ZZEF1: variants seen among roughly 807,000 people sequenced by gnomAD.
ZZEF1 encodes the protein zinc finger ZZ-type and EF-hand domain containing 1.
Under a neutral mutation model 342.8 loss-of-function variants are expected in ZZEF1, and 157 were observed. That is an observed-to-expected ratio of 0.46 (90% CI 0.40 to 0.52). The LOEUF (loss-of-function observed/expected upper bound fraction) is 0.52. Ranked by LOEUF, ZZEF1 falls within the 20% of genes least tolerant of loss-of-function variation. The pLI is 0.00. For missense variants in ZZEF1, 3,480 were observed against 3,725.6 expected (o/e 0.93, Z 1.72); for synonymous variants, 1,505 against 1,429.1 (o/e 1.05, Z -1.20).
intron 43 of ZZEF1, among the ~76,000 whole-genome samples, chr17:4,023,292 C>T (rs2056317977): frequency 6.6e-6 from 1 of 152,138 alleles, no homozygotes; most frequent in African/African-American, 2.4e-5. Context: ...TTCTCGCAGG[C>T]CCCCTGTTGT....
At chr17:4,015,963 G>A (rs1177857639) in intron 49 of ZZEF1, among the ~76,000 whole-genome samples, 2 of 152,226 alleles carry the variant, frequency 1.3e-5, no homozygotes, top group African/African-American at 4.8e-5. Flanking sequence ...TGAGGTGGCA[G>A]CTGAAGAGTG....
chr17:4,016,749 G>A lies in ZZEF1; in HGVS notation c.8002-283C>T, dbSNP rs527889172. ...ATAAAGGGTCCTGGTCCTTGAAGGA[G>A]TCCCCAGCCAAGCAGGTGGATTGGC... On this transcript the variant is annotated intron_variant, in intron 48 of 54. Transcript: ENST00000381638. The surrounding 1 kb of genome is among the most constrained non-coding windows in gnomAD (Gnocchi z 4.4). 3.0e-6 allele frequency: 1 copy of A among 338,572 alleles called. No individual in the cohort carries two copies. Among genetic ancestry groups the A allele is most frequent in the South Asian group, 7.0e-5 (1 of 14,290 alleles). 21.0% of individuals were successfully genotyped at this position (338,572 alleles called of 1,614,324 possible).
chr17:4,096,033 G>C, intron 10 of ZZEF1, 54 bp from the exon 11 acceptor site: 1 of 1,532,618 alleles, frequency 6.5e-7, no homozygotes, highest in South Asian at 1.3e-5. Context: ...TTCTGTGGCC[G>C]TTTTGTTTCC....
At chr17:4,119,719 A>G (rs1318553935) in intron 2 of ZZEF1, among the ~76,000 whole-genome samples, 7 of 152,200 alleles carry the variant, frequency 4.6e-5, no homozygotes, top group Non-Finnish European at 1.0e-4. Context: ...ATGTGAGGCT[A>G]AGTAAGCATT....
chr17:4,042,020 T>G (rs2056814128), intron 39 of ZZEF1, among the ~76,000 whole-genome samples: 1 of 152,160 alleles, frequency 6.6e-6, no homozygotes, highest in South Asian at 2.1e-4. Context: ...GAGAATGTAC[T>G]TTAAGGAGAG....
chr17:4,134,348 A>T (rs923661706), intron 1 of ZZEF1, among the ~76,000 whole-genome samples: 11 of 140,176 alleles, frequency 7.8e-5, no homozygotes, highest in African/African-American at 3.0e-4. Flanking sequence ...ATATTTATAT[A>T]TATTTATATA....
At chr17:4,124,767 C>T (rs1272275565) in intron 1 of ZZEF1, among the ~76,000 whole-genome samples, 1 of 152,048 alleles carries the variant, frequency 6.6e-6, no homozygotes, top group Admixed American at 6.6e-5. Flanking sequence ...TGGGCTTTTT[C>T]AACACTCTTT....
chr17:4,069,724 G>C (rs1051225750), intron 26 of ZZEF1, among the ~76,000 whole-genome samples: 1 of 152,100 alleles, frequency 6.6e-6, no homozygotes, highest in African/African-American at 2.4e-5. Context: ...CCAGCTACTC[G>C]GGGGGCTGAG....
intron 1 of ZZEF1, among the ~76,000 whole-genome samples, chr17:4,126,159 A>T (rs1355921348): frequency 2.0e-5 from 3 of 149,762 alleles, no homozygotes; most frequent in Non-Finnish European, 3.0e-5. Context: ...CAGGAGGCAG[A>T]GGCTGCAGTG....
At chr17:4,024,166 C>G (rs1183795953) in intron 43 of ZZEF1, among the ~76,000 whole-genome samples, 1 of 145,028 alleles carries the variant, frequency 6.9e-6, no homozygotes, top group African/African-American at 2.6e-5. Context: ...CTGCTCATCT[C>G]CATGCCAAAT....
intron 36 of ZZEF1, 49 bp from the exon 37 acceptor site, chr17:4,049,908 T>C (rs1486968744): frequency 1.9e-6 from 3 of 1,593,506 alleles, no homozygotes; most frequent in Non-Finnish European, 2.6e-6. Context: ...ATAATGAGAG[T>C]TCTTTTCAGC....
chr17:4,027,185 A>C (rs1274924662), intron 42 of ZZEF1, among the ~76,000 whole-genome samples: 2 of 151,400 alleles, frequency 1.3e-5, no homozygotes, highest in Admixed American at 6.6e-5. Flanking sequence ...TGTGTTGCCC[A>C]GGCTGGCACT....
At chr17:4,066,798 G>C (rs1009118391) in intron 27 of ZZEF1, among the ~76,000 whole-genome samples, 5 of 152,224 alleles carry the variant, frequency 3.3e-5, no homozygotes, top group Admixed American at 2.6e-4. Flanking sequence ...AGTCTTACTA[G>C]GGTCATAAAC....
intron 11 of ZZEF1, among the ~76,000 whole-genome samples, chr17:4,092,190 C>T (rs2057957678): frequency 1.3e-5 from 2 of 151,760 alleles, no homozygotes; most frequent in African/African-American, 4.8e-5. Context: ...TATATAGCCA[C>T]CAAGCTGGCG....
intron 18 of ZZEF1, among the ~76,000 whole-genome samples, chr17:4,080,381 C>A (rs1230886689): frequency 1.3e-5 from 2 of 151,722 alleles, no homozygotes; most frequent in African/African-American, 4.8e-5. Flanking sequence ...CGCTCGTTGC[C>A]CAGGCTGGAG....
Position 4,016,249 on chromosome 17 carries a change from GGCT to G in ZZEF1, c.8145+71_8145+73del. On this transcript the variant is annotated intron_variant, in intron 49 of 54. Coordinates refer to ENST00000381638, the MANE Select transcript of ZZEF1 (RefSeq NM_015113.4). This position sits in a 1 kb window ranked among gnomAD's most constrained non-coding sequence, Gnocchi z 4.4. ...GCCACAGAGGGGCTGAGCATGGAGG[GGCT>G]GAGCACGGAGGGGCTGACGAGGTCT... The G allele has an allele frequency of 6.6e-7, 1 of 1,523,466 alleles. No individual in the cohort carries two copies. The allele number at this position is 1,523,466 out of a possible 1,614,324, so 94.4% of individuals were successfully genotyped here.
At chr17:4,027,312 T>TTTTTTTTTTTTA (rs2056432735) in intron 42 of ZZEF1, among the ~76,000 whole-genome samples, 1 of 144,846 alleles carries the variant, frequency 6.9e-6, no homozygotes, top group African/African-American at 2.6e-5. Context: ...TTTTTTTTTT[T>TTTTTTTTTTTTA]GAGAGAAGTC....
intron 6 of ZZEF1, among the ~76,000 whole-genome samples, chr17:4,106,149 T>C (rs1045244146): frequency 6.6e-6 from 1 of 152,174 alleles, no homozygotes; most frequent in Non-Finnish European, 1.5e-5. Context: ...GGTTTCACCA[T>C]CTTGGCCAGG....
At chr17:4,118,138 G>A (rs2058428540) in intron 2 of ZZEF1, among the ~76,000 whole-genome samples, 2 of 152,160 alleles carry the variant, frequency 1.3e-5, no homozygotes, top group Non-Finnish European at 2.9e-5. Context: ...GGAACCATGG[G>A]CATTTGAGTC....
Sources: allele counts gnomAD v4.1 joint callset (sites outside exome capture counted in the v4.1 genomes callset), GRCh38; gene constraint gnomAD v4.1.1; non-coding constraint Gnocchi (gnomAD v3.1); transcripts MANE v1.5; gene names NCBI Gene and HGNC (gene_info 2026-07-23, HGNC 2026-07-21).